The following TLE2 variants were observed in gnomAD, a reference collection of about 807,000 sequenced individuals.
The protein encoded by TLE2 is transducin-like enhancer protein 2.
A neutral mutation model predicts 97.2 loss-of-function variants in TLE2; 74 were observed. The ratio of observed to expected loss-of-function variants is 0.76; its 90% CI spans 0.63 to 0.92. TLE2 has a LOEUF of 0.92. TLE2 is among the 40% of genes least tolerant of loss of function. The pLI is 0.00. For missense variants in TLE2, 1,038 were observed against 1,008.7 expected (o/e 1.03, Z -0.39); for synonymous variants, 499 against 432.1 (o/e 1.15, Z -1.92).
intron 9 of TLE2, among the ~76,000 whole-genome samples, chr19:3,015,214 C>A (rs1184646376): frequency 6.6e-6 from 1 of 152,182 alleles, no homozygotes; most frequent in Non-Finnish European, 1.5e-5. Context: ...GGCCACAGCC[C>A]CATTCCCCAC....
chr19:3,006,063 G>C (rs759574713), intron 15 of TLE2, 95 bp from the exon 16 acceptor site: 2 of 1,448,640 alleles, frequency 1.4e-6, no homozygotes, highest in Non-Finnish European at 1.9e-6. Flanking sequence ...GCCCAATGTA[G>C]CCTCATCCTG....
At chr19:3,021,113 AAGG>A (rs1568245412) in intron 5 of TLE2, among the ~76,000 whole-genome samples, 3 of 65,346 alleles carry the variant, frequency 4.6e-5, no homozygotes, top group Non-Finnish European at 3.0e-5. Context: ...AAAAAAAAAA[AAGG>A]GGGGGGGGTG....
intron 18 of TLE2, 99 bp from the exon 19 acceptor site, chr19:3,000,822 C>A (rs2089341396): frequency 2.9e-6 from 2 of 682,528 alleles, no homozygotes; most frequent in African/African-American, 2.8e-5. Context: ...TCTGGCCTCT[C>A]CCTTTTTTTT....
At position 3,002,946 on chromosome 19, in the gene TLE2, G is replaced by A. The variant is rs149220753; in HGVS notation, c.1897-443C>T. The stretch of plus-strand genomic sequence containing the variant: ...ACTGCCAACCTCAAGTGATCTGCCC[G>A]CCTCGGCCTCCCAAAGTGCTGGGAC... On this transcript the variant is annotated intron_variant, in intron 17 of 19. Transcript: ENST00000262953. 1.3e-3 allele frequency among the ~76,000 whole-genome samples: 202 copies of A among 152,170 alleles called. 2 individuals are homozygous for A. In the East Asian group the frequency reaches 0.036, roughly 27 times the overall value.
Position 3,009,712 on chromosome 19 carries a change from AAG to A in TLE2, c.1013-12_1013-11del. 1 of 1,605,968 alleles carries A rather than the reference AAG, an allele frequency of 6.2e-7. No individual in the cohort carries two copies. The highest frequency in any genetic ancestry group is 1.7e-5 in the Admixed American group (1 of 58,488). ...AGGGGGCTCCTCAGGGCTGAGACGG[AAG>A]AGTCGGGGACAGGTTTTGACGCCCT... is the stretch of plus-strand genomic sequence containing the variant. On this transcript the variant is annotated splice_polypyrimidine_tract_variant and intron_variant, in intron 12 of 19. Coordinates refer to ENST00000262953, the MANE Select transcript of TLE2 (RefSeq NM_003260.5).
chr19:3,046,363 T>C (rs1021387807), upstream of TLE2, among the ~76,000 whole-genome samples: 8 of 152,240 alleles, frequency 5.3e-5, no homozygotes, highest in African/African-American at 1.9e-4. Flanking sequence ...CCGGCCTGAC[T>C]GTGAATGTCT....
chr19:3,002,888 G>A lies in TLE2; in HGVS notation c.1897-385C>T, dbSNP rs920467232. On this transcript the variant is annotated intron_variant, in intron 17 of 19. Transcript: ENST00000262953. ...TAATTTTTGTATTTTTAGTAAAGACGGCGTTTCACCGTATTGGCCAGGCTG... is the reference window on the plus strand; with the variant it reads ...TAATTTTTGTATTTTTAGTAAAGACAGCGTTTCACCGTATTGGCCAGGCTG... Among the ~76,000 whole-genome samples, 30 of 151,952 alleles carry A rather than the reference G, an allele frequency of 2.0e-4. 1 individual carries two copies. Among genetic ancestry groups the A allele is most frequent in the African/African-American group, 7.3e-4 (30 of 41,360 alleles).
chr19:3,042,432 C>T (rs1477615458), intron 1 of TLE2, among the ~76,000 whole-genome samples: 6 of 26,428 alleles, frequency 2.3e-4, no homozygotes, highest in Non-Finnish European at 7.0e-5. Flanking sequence ...GACGGTGGGC[C>T]TGGGTGGGTG....
chr19:3,001,455 T>G (rs1464432761), intron 18 of TLE2, among the ~76,000 whole-genome samples: 1 of 151,946 alleles, frequency 6.6e-6, no homozygotes, highest in African/African-American at 2.4e-5. Context: ...AGATATCCCA[T>G]GTACTATTTA....
At chr19:3,009,894 TCTTTTGTTTG>T (rs2089557763) in intron 12 of TLE2, among the ~76,000 whole-genome samples, 192 bp from the exon 13 acceptor site, 1 of 151,044 alleles carries the variant, frequency 6.6e-6, no homozygotes, top group African/African-American at 2.4e-5. Context: ...TCTCTTTTTT[TCTTTTGTTTG>T]AGATGGAATC....
At chr19:3,010,925 C>T (rs2089581757) in intron 12 of TLE2, 97 bp downstream of exon 12, 1 of 1,466,926 alleles carries the variant, frequency 6.8e-7, no homozygotes, top group African/African-American at 1.4e-5. Flanking sequence ...GAACACCAAG[C>T]CTGGAATCCC....
intron 12 of TLE2, among the ~76,000 whole-genome samples, chr19:3,009,962 G>A (rs943789002): frequency 6.6e-6 from 1 of 151,208 alleles, no homozygotes; most frequent in Non-Finnish European, 1.5e-5. Flanking sequence ...TCGGCTCACT[G>A]AAACCTCTGC....
chr19:3,047,203 G>C (rs1279578064), upstream of TLE2, among the ~76,000 whole-genome samples: 2 of 107,138 alleles, frequency 1.9e-5, no homozygotes, highest in African/African-American at 7.4e-5. Context: ...CATTAGGCGC[G>C]GCCGCGGCGC....
upstream of TLE2, among the ~76,000 whole-genome samples, chr19:3,046,524 G>A (rs1460292314): frequency 1.3e-5 from 2 of 152,160 alleles, no homozygotes; most frequent in African/African-American, 4.8e-5. Context: ...GCAGATGGGG[G>A]GAAATGGAGG....
intron 10 of TLE2, among the ~76,000 whole-genome samples, chr19:3,014,109 A>T: frequency 6.6e-6 from 1 of 151,886 alleles, no homozygotes. Context: ...TAGTAGAGAC[A>T]AGGTTTCACC....
In TLE2 at chr19:3,019,715, A is replaced by G. The variant is rs755657124; in HGVS notation, c.353T>C (p.Leu118Pro). Residue 118 changes from leucine to proline, a missense_variant, in exon 6 of 20, where the codon CTG (leucine) becomes CCG (proline). Coordinates refer to ENST00000262953, the MANE Select transcript of TLE2 (RefSeq NM_003260.5). This position sits in a 1 kb window ranked among gnomAD's most constrained non-coding sequence, Gnocchi z 5.1. ...GAGACTCACCCCGATGAGGCTGTTC[A>G]GCTCCCCCACGGTGACCTGCTTGGC... ...ERAKQVTVGE[L>P]NSLIGQQLQP... is the part of the protein sequence containing the mutation. 6.2e-7 allele frequency: 1 copy of G among 1,611,646 alleles called. No homozygotes were observed. The highest frequency in any genetic ancestry group is 1.7e-5 in the Admixed American group (1 of 59,732).
In TLE2 at chr19:3,002,350, C is replaced by T. The variant is rs1201868909; in HGVS notation, c.2047+3G>A. On this transcript the variant is annotated splice_donor_region_variant and intron_variant, in intron 18 of 19. Coordinates refer to ENST00000262953, the MANE Select transcript of TLE2 (RefSeq NM_003260.5). ...GCGTGCCACCCCGCCCCAGAAGACA[C>T]ACCGCAGGAGGCAAACTTCAGGGAC... 3.6e-5 allele frequency: 58 copies of T among 1,606,796 alleles called. No individual in the cohort carries two copies. The highest frequency in any genetic ancestry group is 5.1e-5 in the Admixed American group (3 of 59,092).
In TLE2 at chr19:3,005,849, C is replaced by G; in HGVS notation, c.1620G>C (p.Lys540Asn). The G allele has an allele frequency of 6.2e-7, 1 of 1,613,954 alleles. No homozygotes were observed. Among genetic ancestry groups the G allele is most frequent in the Non-Finnish European group, 8.5e-7 (1 of 1,179,872 alleles). Reference protein sequence around the residue: ...WDLAAPTPRIKAELTSSAPAC... With the variant: ...WDLAAPTPRINAELTSSAPAC... ...CTGGGGCTGAGGAAGTCAGCTCGGC[C>G]TTGATACGGGGGGTGGGCGCCGCCA... The change falls in exon 16 of 20, where the codon AAG becomes AAC. Residue 540 changes from lysine (K) to asparagine (N), a missense_variant. Physicochemically the swap from Lys to Asn is moderately conservative, Grantham distance 94. Transcript: ENST00000262953.
chr19:3,033,901 T>A (rs139164384), upstream of TLE2, among the ~76,000 whole-genome samples: 104 of 151,194 alleles, frequency 6.9e-4, no homozygotes, highest in African/African-American at 2.5e-3. Flanking sequence ...CTTAGCCCGG[T>A]CACTTGAATG....
Sources: gnomAD v4.1 joint callset for allele counts (sites outside exome capture counted in the v4.1 genomes callset) on GRCh38, gnomAD v4.1.1 for gene constraint, Gnocchi (gnomAD v3.1) non-coding constraint, MANE v1.5 for transcripts, NCBI Gene and HGNC (gene_info 2026-07-23, HGNC 2026-07-21) for gene names.